HS3ST3A1: variants seen among roughly 807,000 people sequenced by gnomAD.
The protein encoded by HS3ST3A1 is heparan sulfate glucosamine 3-O-sulfotransferase 3A1.
HS3ST3A1 carries 19 observed loss-of-function variants against 25.7 expected under a neutral mutation model. The ratio of observed to expected loss-of-function variants is 0.74; its 90% CI spans 0.52 to 1.08. HS3ST3A1 has a LOEUF of 1.08. Ranked by LOEUF, HS3ST3A1 falls within the 50% of genes least tolerant of loss-of-function variation. The probability of loss-of-function intolerance (pLI) is 0.00; values close to 1 mark genes in which losing one functional copy is unlikely to be tolerated. For missense variants in HS3ST3A1, 459 were observed against 594.3 expected, an observed-to-expected ratio of 0.77 and a Z score of 2.37; for synonymous variants, 226 against 278.6, an observed-to-expected ratio of 0.81 and a Z score of 1.88.
At chr17:13,589,823 G>T (rs972794922) in intron 1 of HS3ST3A1, among the ~76,000 whole-genome samples, 4 of 152,202 alleles carry the variant, frequency 2.6e-5, no homozygotes, top group African/African-American at 9.6e-5. Flanking sequence ...GAGGGGAGCA[G>T]TTAGCTCCGG....
intron 1 of HS3ST3A1, among the ~76,000 whole-genome samples, chr17:13,529,768 T>A (rs532957792): frequency 6.6e-6 from 1 of 152,140 alleles, no homozygotes; most frequent in African/African-American, 2.4e-5. Flanking sequence ...TCAAAAGCAT[T>A]TCCTATCAAA....
chr17:13,547,092 C>G (rs1907111211), intron 1 of HS3ST3A1, among the ~76,000 whole-genome samples: 1 of 152,186 alleles, frequency 6.6e-6, no homozygotes, highest in Non-Finnish European at 1.5e-5. Context: ...TCTATGACCA[C>G]ATGTCTTACA....
At chr17:13,497,433 A>G (rs962547307) in intron 1 of HS3ST3A1, among the ~76,000 whole-genome samples, 1 of 152,220 alleles carries the variant, frequency 6.6e-6, no homozygotes, top group Non-Finnish European at 1.5e-5. Flanking sequence ...CATTGGCCCA[A>G]TTATAAGTTA....
At chr17:13,584,843 A>G (rs1435011331) in intron 1 of HS3ST3A1, among the ~76,000 whole-genome samples, 2 of 152,294 alleles carry the variant, frequency 1.3e-5, no homozygotes. Context: ...AAAGATAGGG[A>G]AGGTGGCAAA....
chr17:13,556,233 C>T (rs1162561338), intron 1 of HS3ST3A1, among the ~76,000 whole-genome samples: 2 of 152,172 alleles, frequency 1.3e-5, no homozygotes, highest in Non-Finnish European at 2.9e-5. Context: ...GCCGGCCGGG[C>T]GCGGTGGCTC....
chr17:13,498,817 A>G (rs1905364667), intron 1 of HS3ST3A1, among the ~76,000 whole-genome samples: 1 of 152,204 alleles, frequency 6.6e-6, no homozygotes, highest in African/African-American at 2.4e-5. Context: ...AAGTTCTTGC[A>G]TACACAGTAA....
intron 1 of HS3ST3A1, among the ~76,000 whole-genome samples, chr17:13,551,728 A>G (rs1907253177): frequency 6.6e-6 from 1 of 152,042 alleles, no homozygotes; most frequent in African/African-American, 2.4e-5. Flanking sequence ...ATTCTTGATC[A>G]TCTTCCTGAT....
At chr17:13,515,263 G>C (rs919926410) in intron 1 of HS3ST3A1, among the ~76,000 whole-genome samples, 3 of 152,122 alleles carry the variant, frequency 2.0e-5, no homozygotes, top group Non-Finnish European at 4.4e-5. Flanking sequence ...GGGTTCAGGC[G>C]ATTCTCCCGC....
intron 1 of HS3ST3A1, among the ~76,000 whole-genome samples, chr17:13,575,285 A>G (rs1422819734): frequency 6.6e-6 from 1 of 152,222 alleles, no homozygotes; most frequent in Non-Finnish European, 1.5e-5. Flanking sequence ...TTTTAGGTTC[A>G]AAAAAGAAAT....
At chr17:13,500,028 T>A (rs1332973911) in intron 1 of HS3ST3A1, among the ~76,000 whole-genome samples, 1 of 152,166 alleles carries the variant, frequency 6.6e-6, no homozygotes, top group Admixed American at 6.5e-5. Context: ...AATCTTAAAT[T>A]ATTTTTTTCA....
At chr17:13,579,561 G>T (rs1908045042) in intron 1 of HS3ST3A1, among the ~76,000 whole-genome samples, 1 of 151,478 alleles carries the variant, frequency 6.6e-6, no homozygotes, top group Non-Finnish European at 1.5e-5. Flanking sequence ...AACTAGCTGG[G>T]CAGGTGGCGC....
intron 1 of HS3ST3A1, among the ~76,000 whole-genome samples, chr17:13,561,843 A>C (rs901613741): frequency 2.0e-5 from 3 of 152,138 alleles, no homozygotes; most frequent in African/African-American, 7.2e-5. Context: ...GAATTGTGCC[A>C]GTGCCAATGT....
chr17:13,506,893 C>G (rs1025646459), intron 1 of HS3ST3A1, among the ~76,000 whole-genome samples: 4 of 138,894 alleles, frequency 2.9e-5, no homozygotes, highest in African/African-American at 1.1e-4. Context: ...CCTGTCTCTA[C>G]TAAAATACAA....
At chr17:13,590,963 C>T (rs748807777) in intron 1 of HS3ST3A1, among the ~76,000 whole-genome samples, 1 of 152,054 alleles carries the variant, frequency 6.6e-6, no homozygotes, top group Non-Finnish European at 1.5e-5. Flanking sequence ...TGACACTAGC[C>T]ACGGCACGCA....
chr17:13,585,186 C>CT (rs71144977), intron 1 of HS3ST3A1, among the ~76,000 whole-genome samples: 1,162 of 33,190 alleles, frequency 0.035, 390 homozygotes, highest in Non-Finnish European at 0.04. Flanking sequence ...TTTTTCTGTG[C>CT]TTTTTTTTTT....
intron 1 of HS3ST3A1, among the ~76,000 whole-genome samples, chr17:13,596,178 T>A (rs547735775): frequency 9.9e-5 from 15 of 152,230 alleles, no homozygotes; most frequent in Non-Finnish European, 1.8e-4. Flanking sequence ...ATAAATCTCA[T>A]CCCTGTAAAG....
chr17:13,578,119 G>A (rs1022113949), intron 1 of HS3ST3A1, among the ~76,000 whole-genome samples: 3 of 152,036 alleles, frequency 2.0e-5, no homozygotes, highest in Non-Finnish European at 2.9e-5. Context: ...AGGAGTCCAC[G>A]GCAGTTTTAG....
At chr17:13,496,851 G>C in intron 1 of HS3ST3A1, 33 bp from the exon 2 acceptor site, 2 of 1,596,202 alleles carry the variant, frequency 1.3e-6, no homozygotes, top group Non-Finnish European at 1.7e-6. Context: ...TCAGAGATGT[G>C]CAGAGAGAGC....
chr17:13,527,727 C>T (rs1033366345), intron 1 of HS3ST3A1, among the ~76,000 whole-genome samples: 2 of 152,192 alleles, frequency 1.3e-5, no homozygotes, highest in African/African-American at 4.8e-5. Context: ...CATTGATTTT[C>T]CTCCTTTTAC....
Sources: allele counts gnomAD v4.1 joint callset (sites outside exome capture counted in the v4.1 genomes callset), GRCh38; gene constraint gnomAD v4.1.1; transcripts MANE v1.5; gene names NCBI Gene and HGNC (gene_info 2026-07-23, HGNC 2026-07-21).